The following JAZF1 variants were observed in gnomAD, a reference collection of about 807,000 sequenced individuals.
JAZF1 encodes the protein juxtaposed with another zinc finger protein 1.
Under a neutral mutation model 26.4 loss-of-function variants are expected in JAZF1, and 8 were observed. That is an observed-to-expected ratio of 0.30 (90% CI 0.18 to 0.55). JAZF1 has a LOEUF of 0.55. JAZF1 is among the 20% of genes least tolerant of loss of function. The pLI, the probability that JAZF1 is intolerant of heterozygous loss-of-function variation, is 0.94. For missense variants in JAZF1, 199 were observed against 322.0 expected (o/e 0.62, Z 2.92); for synonymous variants, 126 against 122.3 (o/e 1.03, Z -0.20).
At chr7:27,904,907 T>C (rs1030953367) in intron 2 of JAZF1, among the ~76,000 whole-genome samples, 4 of 127,978 alleles carry the variant, frequency 3.1e-5, no homozygotes, top group African/African-American at 1.1e-4. Context: ...ACTGACAGAC[T>C]TACTGCATTA....
Position 27,914,904 on chromosome 7 carries a change from A to C in JAZF1, c.189-19488T>G, listed in dbSNP as rs573864952. The C allele has an allele frequency of 8.6e-6, 4 of 463,380 alleles. No homozygotes were observed. The East Asian group carries it at 2.1e-4, about 24-fold the overall frequency. The allele number at this position is 463,380 out of a possible 1,614,324, so 28.7% of individuals were successfully genotyped here. The stretch of plus-strand genomic sequence containing the variant: ...TGTGCTCATAGGACCTAGTTTATTC[A>C]TGGCAGTAACCAGAGCGCCATTTAC... On this transcript the variant is annotated intron_variant, in intron 2 of 4. Coordinates refer to ENST00000283928, the MANE Select transcript of JAZF1 (RefSeq NM_175061.4).
intron 1 of JAZF1, among the ~76,000 whole-genome samples, chr7:28,139,024 G>C (rs1170891943): frequency 6.6e-6 from 1 of 152,182 alleles, no homozygotes; most frequent in African/African-American, 2.4e-5. Flanking sequence ...CTGAGTCACT[G>C]CCCCACTGCC....
rs549759623 is a variant in JAZF1, at chr7:27,984,016, T to C, written c.188+7893A>G. On this transcript the variant is annotated intron_variant, in intron 2 of 4. Coordinates refer to ENST00000283928, the MANE Select transcript of JAZF1 (RefSeq NM_175061.4). ...AAAACATGCCAAATTGTAAAGACCA[T>C]CAAGGCCAGGAAGAAACTGCATCAA... 2.6e-5 allele frequency among the ~76,000 whole-genome samples: 4 copies of C among 152,232 alleles called. No homozygotes were observed. The South Asian group carries it at 8.3e-4, about 32-fold the overall frequency.
intron 2 of JAZF1, among the ~76,000 whole-genome samples, chr7:27,902,890 C>T (rs1784189199): frequency 6.6e-6 from 1 of 152,070 alleles, no homozygotes; most frequent in Admixed American, 6.5e-5. Context: ...GCAGCATGTG[C>T]CTGTAGTCCC....
intron 1 of JAZF1, among the ~76,000 whole-genome samples, chr7:28,047,673 T>C (rs1783520019): frequency 6.6e-6 from 1 of 152,214 alleles, no homozygotes; most frequent in Non-Finnish European, 1.5e-5. Context: ...TGAAGCTTTA[T>C]TTCTCCTAAT....
intron 3 of JAZF1, among the ~76,000 whole-genome samples, chr7:27,889,796 G>A (rs2158387): frequency 0.25 from 37,844 of 152,052 alleles, 4,982 homozygotes; most frequent in Middle Eastern, 0.34. Flanking sequence ...GCTGGGTGGT[G>A]TTGATGCGCA....
At chr7:28,011,380 T>C (rs901894575) in intron 1 of JAZF1, among the ~76,000 whole-genome samples, 1 of 151,546 alleles carries the variant, frequency 6.6e-6, no homozygotes, top group South Asian at 2.1e-4. Flanking sequence ...ATTTAATCAT[T>C]ATACTGCACA....
In JAZF1 at chr7:28,071,623, G is replaced by A. The variant is rs1005277299; in HGVS notation, c.116-79642C>T. On this transcript the variant is annotated intron_variant, in intron 1 of 4. Transcript: ENST00000283928. The stretch of plus-strand genomic sequence containing the variant: ...CAGTGAAACCTTTCACTTACCATTT[G>A]CCACCCACATACAGACCCAAGGACG... The A allele has an allele frequency of 1.1e-5, 5 of 471,786 alleles. No homozygotes were observed. In the Admixed American group the frequency reaches 1.2e-4, roughly 11 times the overall value. 29.2% of individuals were successfully genotyped at this position (471,786 alleles called of 1,614,324 possible).
intron 2 of JAZF1, among the ~76,000 whole-genome samples, chr7:27,960,332 C>T (rs925615025): frequency 6.6e-6 from 1 of 152,236 alleles, no homozygotes; most frequent in Non-Finnish European, 1.5e-5. Context: ...TAATTTTTAA[C>T]CTGCATATCT....
At chr7:28,117,748 G>A (rs552347954) in intron 1 of JAZF1, among the ~76,000 whole-genome samples, 1 of 152,240 alleles carries the variant, frequency 6.6e-6, no homozygotes, top group South Asian at 2.1e-4. Flanking sequence ...AATTATTTAT[G>A]GGAACTGCCA....
In JAZF1 at chr7:27,878,617, T is replaced by C. The variant is rs527750822; in HGVS notation, c.385+16603A>G. Among the ~76,000 whole-genome samples the C allele has an allele frequency of 2.1e-3, 315 of 152,318 alleles. 1 individual carries two copies. Among genetic ancestry groups the C allele is most frequent in the Non-Finnish European group, 3.7e-3 (254 of 68,030 alleles). On this transcript the variant is annotated intron_variant, in intron 3 of 4. Coordinates refer to ENST00000283928, the MANE Select transcript of JAZF1 (RefSeq NM_175061.4). ...TGATGCTATTTCATGCCATAGTGTT[T>C]TTCCTTCTTTGTTTTCTTTAATCGG... is the stretch of plus-strand genomic sequence containing the variant.
intron 1 of JAZF1, among the ~76,000 whole-genome samples, chr7:28,055,367 A>C (rs1389000133): frequency 6.6e-6 from 1 of 151,418 alleles, no homozygotes; most frequent in East Asian, 1.9e-4. Context: ...CTCATTCCCC[A>C]CTCCAGGGTT....
At chr7:27,882,348 T>C (rs924104318) in intron 3 of JAZF1, among the ~76,000 whole-genome samples, 4 of 152,154 alleles carry the variant, frequency 2.6e-5, no homozygotes, top group Non-Finnish European at 1.5e-5. Context: ...CAAAAACTTA[T>C]TCAGCCTAGT....
chr7:27,831,763 C>T lies in JAZF1; in HGVS notation c.*1037G>A, dbSNP rs929535519. On this transcript the variant is annotated 3_prime_UTR_variant, in exon 5 of 5. Transcript: ENST00000283928. ...TAGGGGTCTTAACAAAAGTGTTCAT[C>T]TTTGAAACGTGCTTAGAATTTTAGT... The T allele has an allele frequency of 4.5e-6, 1 of 223,966 alleles. No homozygotes were observed. Among genetic ancestry groups the T allele is most frequent in the African/African-American group, 2.2e-5 (1 of 44,788 alleles). 13.9% of individuals were successfully genotyped at this position (223,966 alleles called of 1,614,324 possible). A position where few individuals can be genotyped will look rare whatever the true frequency, so the allele number is the denominator to read the frequency against.
intron 3 of JAZF1, among the ~76,000 whole-genome samples, chr7:27,886,582 A>G (rs1224109267): frequency 6.6e-6 from 1 of 152,252 alleles, no homozygotes; most frequent in African/African-American, 2.4e-5. Context: ...GAAACAGCGT[A>G]GAATGACCCC....
Position 28,180,412 on chromosome 7 carries a change from G to A in JAZF1, c.115+51C>T, listed in dbSNP as rs367838630. On this transcript the variant is annotated intron_variant, in intron 1 of 4. Transcript: ENST00000283928. Reference sequence around the variant, plus strand: ...TGGCCATTCCGGGGCTCCCCGCCCGGGCAGGAGTTTCCGCGCGCCTGGCAC... The same window carrying A: ...TGGCCATTCCGGGGCTCCCCGCCCGAGCAGGAGTTTCCGCGCGCCTGGCAC... 1,270 of 1,457,382 alleles carry A rather than the reference G, an allele frequency of 8.7e-4. 12 individuals carry two copies. The African/African-American group carries it at 0.017, about 19-fold the overall frequency. 90.3% of individuals were successfully genotyped at this position (1,457,382 alleles called of 1,614,324 possible).
chr7:27,991,834 T>C (rs1167444271), intron 2 of JAZF1, 75 bp downstream of exon 2: 10 of 831,560 alleles, frequency 1.2e-5, no homozygotes, highest in Non-Finnish European at 2.0e-5. Context: ...TTCCACTCTG[T>C]TAAAAAAGAT....
At chr7:28,177,974 C>G (rs986608457) in intron 1 of JAZF1, among the ~76,000 whole-genome samples, 6 of 152,184 alleles carry the variant, frequency 3.9e-5, no homozygotes, top group African/African-American at 1.4e-4. Flanking sequence ...ATAGTTTGAG[C>G]CTCTTCATCC....
chr7:28,168,781 T>G (rs1783408857), intron 1 of JAZF1, among the ~76,000 whole-genome samples: 3 of 152,196 alleles, frequency 2.0e-5, no homozygotes, highest in African/African-American at 7.2e-5. Context: ...AAACCCAAAA[T>G]GGACACACAC....
Sources: allele counts gnomAD v4.1 joint callset (sites outside exome capture counted in the v4.1 genomes callset), GRCh38; gene constraint gnomAD v4.1.1; transcripts MANE v1.5; gene names NCBI Gene and HGNC (gene_info 2026-07-23, HGNC 2026-07-21).